THSD4: variants seen among roughly 807,000 people sequenced by gnomAD.
THSD4 encodes the protein thrombospondin type 1 domain containing 4.
A neutral mutation model predicts 119.0 loss-of-function variants in THSD4; 69 were observed. The ratio of observed to expected loss-of-function variants is 0.58; its 90% CI spans 0.48 to 0.71. THSD4 has a LOEUF of 0.71. Among genes scored for constraint, THSD4 ranks in the 30% least tolerant of loss-of-function variants. THSD4 has a pLI of 0.00. For synonymous variants in THSD4, 524 were observed against 540.4 expected (o/e 0.97, Z 0.42); for missense variants, 1,393 against 1,391.1 (o/e 1.00, Z -0.02).
intron 7 of THSD4, among the ~76,000 whole-genome samples, chr15:71,422,965 C>T (rs1055588545): frequency 6.6e-6 from 1 of 152,192 alleles, no homozygotes; most frequent in Admixed American, 6.5e-5. Context: ...CCCGTGGCCA[C>T]CACCTCCACA....
chr15:71,576,539 T>C (rs776908246), intron 7 of THSD4, among the ~76,000 whole-genome samples: 2 of 152,156 alleles, frequency 1.3e-5, no homozygotes, highest in Non-Finnish European at 2.9e-5. Flanking sequence ...AACAGCCAAT[T>C]AAAAATCTAC....
At chr15:71,760,419 T>A (rs2053610342) in intron 15 of THSD4, among the ~76,000 whole-genome samples, 2 of 152,240 alleles carry the variant, frequency 1.3e-5, no homozygotes, top group South Asian at 4.1e-4. Context: ...ATATTCCATT[T>A]CTGCTGCTTC....
chr15:71,399,479 C>A (rs1013483390), intron 6 of THSD4, among the ~76,000 whole-genome samples: 2 of 152,182 alleles, frequency 1.3e-5, no homozygotes, highest in East Asian at 3.8e-4. Flanking sequence ...AAGGAAACTT[C>A]CTCCTTGCAA....
chr15:71,443,987 T>G (rs2047146653), intron 7 of THSD4, among the ~76,000 whole-genome samples: 1 of 152,244 alleles, frequency 6.6e-6, no homozygotes, highest in South Asian at 2.1e-4. Flanking sequence ...GTCTGTCTCA[T>G]GGTTATCCAA....
intron 6 of THSD4, among the ~76,000 whole-genome samples, chr15:71,334,833 G>A (rs2045471141): frequency 6.6e-6 from 1 of 152,212 alleles, no homozygotes; most frequent in Non-Finnish European, 1.5e-5. Context: ...GAAGAAGGAA[G>A]ATGCACATCT....
intron 8 of THSD4, among the ~76,000 whole-genome samples, chr15:71,673,935 C>A (rs1160367699): frequency 2.0e-5 from 3 of 152,180 alleles, no homozygotes; most frequent in Non-Finnish European, 4.4e-5. Flanking sequence ...TACTTTTCTT[C>A]TTAGACATCA....
At chr15:71,330,187 A>G (rs993063318) in intron 6 of THSD4, among the ~76,000 whole-genome samples, 15 of 151,754 alleles carry the variant, frequency 9.9e-5, no homozygotes, top group Non-Finnish European at 4.4e-5. Context: ...GGGTGTGCCT[A>G]TGAGGAGGGC....
intron 3 of THSD4, among the ~76,000 whole-genome samples, chr15:71,211,909 A>G (rs1034277045): frequency 6.6e-6 from 1 of 152,164 alleles, no homozygotes; most frequent in African/African-American, 2.4e-5. Flanking sequence ...GCTGCCTGTC[A>G]CTAACAGAGG....
In THSD4 at chr15:71,418,079, A is replaced by G. The variant is rs752036469; in HGVS notation, c.1152+6256A>G. On this transcript the variant is annotated intron_variant, in intron 7 of 17. Coordinates refer to ENST00000261862, the MANE Select transcript of THSD4 (RefSeq NM_024817.3). ...AATAATGTATATTTGCTGTTCCCAT[A>G]TAGAAATGTTACTGTTTTTTGTATG... 3.7e-5 allele frequency among the ~76,000 whole-genome samples: 4 copies of G among 108,834 alleles called. 1 individual carries two copies. The highest frequency in any genetic ancestry group is 8.1e-5 in the Non-Finnish European group (4 of 49,330). 71.4% of individuals were successfully genotyped at this position (108,834 alleles called of 152,430 possible).
rs1233310333 is a variant in THSD4, at chr15:71,737,878, C to T, written c.1777C>T (p.His593Tyr). 4 of 1,614,242 alleles carry T rather than the reference C, an allele frequency of 2.5e-6. No individual in the cohort carries two copies. The highest frequency in any genetic ancestry group is 1.1e-5 in the South Asian group (1 of 91,088). The change falls in exon 11 of 18, where the codon CAT becomes TAT. Residue 593 changes from histidine (H) to tyrosine (Y), a missense_variant. Coordinates refer to ENST00000261862, the MANE Select transcript of THSD4 (RefSeq NM_024817.3). ...SESAQTFPVR[H>Y]PDRFSPHRPD... ...ATCGGCACAGACCTTCCCAGTCAGG[C>T]ATCCAGACAGATTTTCTCCCCATCG...
At chr15:71,366,628 C>A (rs996836303) in intron 6 of THSD4, among the ~76,000 whole-genome samples, 1 of 152,182 alleles carries the variant, frequency 6.6e-6, no homozygotes, top group African/African-American at 2.4e-5. Context: ...CAGTCACTTT[C>A]TCATGGAATC....
chr15:71,324,953 C>T (rs1479430497), intron 6 of THSD4, among the ~76,000 whole-genome samples: 1 of 152,148 alleles, frequency 6.6e-6, no homozygotes, highest in African/African-American at 2.4e-5. Flanking sequence ...CCCTTTTCAC[C>T]ACATCCACGC....
intron 7 of THSD4, among the ~76,000 whole-genome samples, chr15:71,591,589 CA>C (rs1414146928): frequency 6.6e-6 from 1 of 152,130 alleles, no homozygotes; most frequent in Non-Finnish European, 1.5e-5. Context: ...AGTTCAAGGA[CA>C]AACACCTGGT....
chr15:71,737,566 G>C (rs557631798), intron 10 of THSD4, among the ~76,000 whole-genome samples, 166 bp from the exon 11 acceptor site: 2 of 152,352 alleles, frequency 1.3e-5, no homozygotes, highest in South Asian at 4.1e-4. Context: ...TTGCATGTGA[G>C]GGAAAGCACT....
chr15:71,400,875 C>G (rs1386072750), intron 6 of THSD4, among the ~76,000 whole-genome samples: 1 of 151,968 alleles, frequency 6.6e-6, no homozygotes, highest in Non-Finnish European at 1.5e-5. Flanking sequence ...GTGAGGACTT[C>G]AGTGCTCAAC....
At position 71,728,550 on chromosome 15, in the gene THSD4, C is replaced by T; in HGVS notation, c.1359C>T (p.Ala453=). 3.1e-6 allele frequency: 5 copies of T among 1,613,964 alleles called. No individual in the cohort carries two copies. The highest frequency in any genetic ancestry group is 4.2e-6 in the Non-Finnish European group (5 of 1,179,934). The change falls in exon 9 of 18, where the codon GCC becomes GCT. Residue 453 remains alanine, a splice_region_variant and synonymous_variant. Transcript: ENST00000261862. ...TEMYKSNNYL[A]LRSRSGRSII... The stretch of plus-strand genomic sequence containing the variant: ...GAACTGTCTGATTTTTCTCAACAGC[C>T]CTGAGAAGTCGTTCTGGACGCTCCA...
chr15:71,578,317 CT>C (rs2049494526), intron 7 of THSD4, among the ~76,000 whole-genome samples: 1 of 151,914 alleles, frequency 6.6e-6, no homozygotes, highest in Admixed American at 6.6e-5. Context: ...GCTGAGTGCC[CT>C]TCTTAACAGG....
At chr15:71,285,271 A>G (rs1036125638) in intron 6 of THSD4, among the ~76,000 whole-genome samples, 2 of 152,240 alleles carry the variant, frequency 1.3e-5, no homozygotes, top group African/African-American at 4.8e-5. Context: ...CATCACTAAT[A>G]TAAAGCCTCC....
At chr15:71,354,572 G>C (rs563665046) in intron 6 of THSD4, among the ~76,000 whole-genome samples, 1 of 152,224 alleles carries the variant, frequency 6.6e-6, no homozygotes, top group East Asian at 1.9e-4. Context: ...TGCCCTTTAT[G>C]TGCCAAACAA....
Sources: gnomAD v4.1 joint callset for allele counts (sites outside exome capture counted in the v4.1 genomes callset) on GRCh38, gnomAD v4.1.1 for gene constraint, MANE v1.5 for transcripts, NCBI Gene and HGNC (gene_info 2026-07-23, HGNC 2026-07-21) for gene names.